LRRC4C: variants seen among roughly 807,000 people sequenced by gnomAD.
LRRC4C encodes leucine rich repeat containing 4C.
A neutral mutation model predicts 33.6 loss-of-function variants in LRRC4C; 5 were observed. That is an observed-to-expected ratio of 0.15 (90% CI 0.08 to 0.31). The LOEUF is 0.31. Ranked by LOEUF, LRRC4C falls within the 10% of genes least tolerant of loss-of-function variation. LRRC4C has a pLI of 1.00. For synonymous variants in LRRC4C, 329 were observed against 302.0 expected (o/e 1.09, Z -0.93); for missense variants, 560 against 796.7 (o/e 0.70, Z 3.58).
At chr11:41,274,880 T>A (rs1949433688) in intron 1 of LRRC4C, among the ~76,000 whole-genome samples, 1 of 151,980 alleles carries the variant, frequency 6.6e-6, no homozygotes. Flanking sequence ...CACAATATGG[T>A]TTGGATGTTT....
At chr11:40,610,654 T>C (rs78873113) in intron 3 of LRRC4C, among the ~76,000 whole-genome samples, 3,076 of 151,928 alleles carry the variant, frequency 0.02, 48 homozygotes, top group South Asian at 0.037. Flanking sequence ...CTATTAGAAC[T>C]AAATAAGGCA....
At chr11:41,137,138 C>T (rs1433358319) in intron 1 of LRRC4C, among the ~76,000 whole-genome samples, 1 of 151,974 alleles carries the variant, frequency 6.6e-6, no homozygotes, top group African/African-American at 2.4e-5. Context: ...GTCCCAGCTA[C>T]TTGGGACACT....
At chr11:40,673,044 A>C (rs529607708) in intron 2 of LRRC4C, among the ~76,000 whole-genome samples, 2 of 152,246 alleles carry the variant, frequency 1.3e-5, no homozygotes, top group African/African-American at 4.8e-5. Flanking sequence ...GAAAAAAAAA[A>C]ACAGTTAAGT....
At chr11:40,500,325 CACACACACATTATATATATAT>C (rs1565450333) in intron 3 of LRRC4C, among the ~76,000 whole-genome samples, 2 of 143,896 alleles carry the variant, frequency 1.4e-5, no homozygotes, top group Non-Finnish European at 3.0e-5. Flanking sequence ...CACACACACA[CACACACACATTATATATATAT>C]ACACATTATA....
At chr11:40,255,829 C>T (rs1312198898) in intron 4 of LRRC4C, among the ~76,000 whole-genome samples, 2 of 152,154 alleles carry the variant, frequency 1.3e-5, no homozygotes, top group East Asian at 3.9e-4. Context: ...CATTTGTTTG[C>T]CAACTTCACT....
At chr11:41,445,058 C>A (rs1288765269) in intron 1 of LRRC4C, among the ~76,000 whole-genome samples, 3 of 152,170 alleles carry the variant, frequency 2.0e-5, no homozygotes, top group African/African-American at 7.2e-5. Context: ...CTGCCTTGGC[C>A]TCCCAAACTG....
At chr11:41,250,941 C>G (rs1181834517) in intron 1 of LRRC4C, among the ~76,000 whole-genome samples, 1 of 152,122 alleles carries the variant, frequency 6.6e-6, no homozygotes, top group African/African-American at 2.4e-5. Context: ...TATTTTGCAG[C>G]ATTTTCTATA....
rs183780488 is a variant in LRRC4C, at chr11:41,291,255, G to A, written c.-496+168176C>T. The stretch of plus-strand genomic sequence containing the variant: ...AATTTAGAATGTGAGGTATAGCTGA[G>A]TTTAGACATTGATATTAGATAGATT... On this transcript the variant is annotated intron_variant, in intron 1 of 6. Coordinates refer to ENST00000528697, the MANE Select transcript of LRRC4C (RefSeq NM_001258419.2). 2.0e-5 allele frequency among the ~76,000 whole-genome samples: 3 copies of A among 152,244 alleles called. No individual in the cohort carries two copies. The East Asian group carries it at 5.8e-4, about 29-fold the overall frequency.
At chr11:40,571,980 A>C (rs375960125) in intron 3 of LRRC4C, among the ~76,000 whole-genome samples, 42 of 152,184 alleles carry the variant, frequency 2.8e-4, no homozygotes, top group African/African-American at 9.6e-4. Context: ...ACTATCCAGA[A>C]CCCTAACTCC....
chr11:41,420,731 T>C (rs1591479622), intron 1 of LRRC4C, among the ~76,000 whole-genome samples: 1 of 152,090 alleles, frequency 6.6e-6, no homozygotes, highest in East Asian at 1.9e-4. Context: ...TTACTTAACA[T>C]TTATCTTCTT....
chr11:40,811,830 G>T (rs948227379), intron 2 of LRRC4C, among the ~76,000 whole-genome samples: 6 of 152,080 alleles, frequency 3.9e-5, no homozygotes, highest in African/African-American at 1.4e-4. Flanking sequence ...TGCTCCCTTG[G>T]GTTGTCCTTG....
At chr11:40,759,174 CAT>C (rs1949079281) in intron 2 of LRRC4C, among the ~76,000 whole-genome samples, 1 of 146,442 alleles carries the variant, frequency 6.8e-6, no homozygotes, top group Admixed American at 6.9e-5. Context: ...CCATTACACT[CAT>C]ATATGAGGAA....
chr11:41,035,434 T>A (rs905533515), intron 1 of LRRC4C, among the ~76,000 whole-genome samples: 24 of 152,070 alleles, frequency 1.6e-4, no homozygotes, highest in African/African-American at 5.3e-4. Flanking sequence ...TCTGTGACCA[T>A]GTGTTCTCAT....
chr11:40,806,287 G>C (rs773727890), intron 2 of LRRC4C, among the ~76,000 whole-genome samples: 8 of 152,118 alleles, frequency 5.3e-5, no homozygotes, highest in Non-Finnish European at 1.0e-4. Context: ...GAAGAGCTAG[G>C]GTTCCTTGGA....
At chr11:41,135,131 G>C (rs139002495) in intron 1 of LRRC4C, among the ~76,000 whole-genome samples, 158 of 152,104 alleles carry the variant, frequency 1.0e-3, no homozygotes, top group African/African-American at 3.6e-3. Flanking sequence ...TGGCCATAAG[G>C]GTTGTGAGCA....
At chr11:40,492,714 A>T (rs745848586) in intron 3 of LRRC4C, among the ~76,000 whole-genome samples, 3 of 152,152 alleles carry the variant, frequency 2.0e-5, no homozygotes, top group Non-Finnish European at 4.4e-5. Flanking sequence ...AAAAAAAGTT[A>T]TGAAATATTT....
intron 3 of LRRC4C, among the ~76,000 whole-genome samples, chr11:40,329,887 A>T (rs1565279422): frequency 6.6e-6 from 1 of 151,692 alleles, no homozygotes; most frequent in Non-Finnish European, 1.5e-5. Context: ...GACTACAGGC[A>T]TTTGCCAACA....
chr11:40,403,625 C>T (rs1949846367), intron 3 of LRRC4C, among the ~76,000 whole-genome samples: 1 of 152,012 alleles, frequency 6.6e-6, no homozygotes, highest in Non-Finnish European at 1.5e-5. Context: ...AAGACTCAAC[C>T]AAATAGACTT....
At chr11:41,375,660 A>C (rs559697375) in intron 1 of LRRC4C, among the ~76,000 whole-genome samples, 34 of 152,316 alleles carry the variant, frequency 2.2e-4, no homozygotes, top group Middle Eastern at 3.4e-3. Context: ...AGGATGGTAG[A>C]GAGCCAAACT....
Sources: allele counts gnomAD v4.1 joint callset (sites outside exome capture counted in the v4.1 genomes callset), GRCh38; gene constraint gnomAD v4.1.1; transcripts MANE v1.5; gene names NCBI Gene and HGNC (gene_info 2026-07-23, HGNC 2026-07-21).